HS6ST2: variants seen among roughly 807,000 people sequenced by gnomAD.
The protein encoded by HS6ST2 is heparan-sulfate 6-O-sulfotransferase 2.
In HS6ST2, 17 loss-of-function variants were observed where a neutral mutation model predicts 33.0. The observed-to-expected ratio is 0.52, with a 90% CI of 0.35 to 0.77. HS6ST2 has a LOEUF of 0.77. Among genes scored for constraint, HS6ST2 ranks in the 30% least tolerant of loss-of-function variants. HS6ST2 has a pLI of 0.01. For missense variants in HS6ST2, 519 were observed against 551.7 expected, an observed-to-expected ratio of 0.94 and a Z score of 0.59; for synonymous variants, 248 against 237.1, an observed-to-expected ratio of 1.05 and a Z score of -0.42.
At chrX:132,860,866 C>T (rs1268989422) in intron 2 of HS6ST2, among the ~76,000 whole-genome samples, 2 of 97,186 alleles carry the variant, frequency 2.1e-5, no homozygotes, top group Non-Finnish European at 4.0e-5. Flanking sequence ...CGGCTCACCA[C>T]AACCTCCATT....
intron 2 of HS6ST2, among the ~76,000 whole-genome samples, chrX:132,778,579 T>C (rs1289738267): frequency 2.9e-5 from 3 of 104,147 alleles, no homozygotes; most frequent in African/African-American, 1.1e-4. Flanking sequence ...TTTTTTTTTG[T>C]ATTTTTAGTA....
chrX:132,889,976 A>T (rs910044452), intron 2 of HS6ST2, among the ~76,000 whole-genome samples: 3 of 111,711 alleles, frequency 2.7e-5, no homozygotes, highest in African/African-American at 9.8e-5. Context: ...TAACACAAAG[A>T]TTTTTAATTT....
chrX:132,773,359 C>A (rs1349214891), intron 2 of HS6ST2, among the ~76,000 whole-genome samples: 2 of 108,554 alleles, frequency 1.8e-5, no homozygotes, highest in African/African-American at 6.7e-5. Flanking sequence ...AATTGGAACC[C>A]TCATGCACTA....
chrX:132,748,831 G>T (rs887232029), intron 2 of HS6ST2, among the ~76,000 whole-genome samples: 1 of 111,102 alleles, frequency 9.0e-6, no homozygotes, highest in Non-Finnish European at 1.9e-5. Context: ...GGCTGGTCTT[G>T]AACTCCTGGG....
chrX:132,937,678 T>C (rs2066838936), intron 2 of HS6ST2, among the ~76,000 whole-genome samples: 1 of 111,505 alleles, frequency 9.0e-6, no homozygotes, highest in Admixed American at 9.5e-5. Context: ...TTAGCCCTCA[T>C]CATGTGCAAA....
intron 2 of HS6ST2, among the ~76,000 whole-genome samples, chrX:132,921,405 G>C (rs1444188890): frequency 2.7e-5 from 3 of 112,347 alleles, no homozygotes; most frequent in Non-Finnish European, 5.6e-5. Flanking sequence ...CTGAAAAGCT[G>C]GCTATTGTGC....
At chrX:132,806,355 T>G (rs990344012) in intron 2 of HS6ST2, among the ~76,000 whole-genome samples, 3 of 110,436 alleles carry the variant, frequency 2.7e-5, no homozygotes, top group Admixed American at 9.7e-5. Context: ...TAATTTTTTT[T>G]TTTTCTTTTT....
chrX:132,734,854 A>G (rs750493728), intron 2 of HS6ST2, among the ~76,000 whole-genome samples: 5 of 112,373 alleles, frequency 4.4e-5, no homozygotes, highest in African/African-American at 6.5e-5. Context: ...TACCGTCTTT[A>G]GCTGTGTCAT....
At chrX:132,758,735 A>G (rs150842449) in intron 2 of HS6ST2, among the ~76,000 whole-genome samples, 2,418 of 111,756 alleles carry the variant, frequency 0.022, 48 homozygotes, top group East Asian at 0.13. Flanking sequence ...GCTGACCTAC[A>G]AAAGCCTTCA....
At chrX:132,910,097 C>A (rs1243586442) in intron 2 of HS6ST2, among the ~76,000 whole-genome samples, 1 of 112,006 alleles carries the variant, frequency 8.9e-6, no homozygotes, top group Non-Finnish European at 1.9e-5. Context: ...CATTTGCCAT[C>A]TGGAATCCTG....
intron 2 of HS6ST2, among the ~76,000 whole-genome samples, chrX:132,868,995 A>ATT (rs58391917): frequency 0.49 from 51,178 of 104,096 alleles, 10,375 homozygotes; most frequent in African/African-American, 0.66. Flanking sequence ...TCCAGGAGGT[A>ATT]TTTTTTTTTT....
intron 4 of HS6ST2, among the ~76,000 whole-genome samples, chrX:132,656,489 A>G (rs370397811): frequency 9.0e-6 from 1 of 110,692 alleles, no homozygotes; most frequent in East Asian, 2.8e-4. Context: ...TTGGAGTACA[A>G]GTAGTTTTGT....
chrX:132,752,133 C>G (rs1211866468), intron 2 of HS6ST2, among the ~76,000 whole-genome samples: 1 of 110,591 alleles, frequency 9.0e-6, no homozygotes, highest in East Asian at 2.9e-4. Flanking sequence ...GGCATTCACT[C>G]TGCAGCATTT....
intron 2 of HS6ST2, among the ~76,000 whole-genome samples, chrX:132,728,694 A>G (rs963389572): frequency 8.9e-6 from 1 of 112,288 alleles, no homozygotes; most frequent in Admixed American, 9.4e-5. Flanking sequence ...GCAATAAGGG[A>G]AAGAAGAGCA....
chrX:132,885,433 T>A (rs60790090), intron 2 of HS6ST2, among the ~76,000 whole-genome samples: 15,227 of 110,792 alleles, frequency 0.14, 904 homozygotes, highest in East Asian at 0.33. Context: ...AAGTCATGGG[T>A]TCTATACTGT....
chrX:132,672,150 C>T (rs1161659521), intron 3 of HS6ST2, among the ~76,000 whole-genome samples: 1 of 111,320 alleles, frequency 9.0e-6, no homozygotes, highest in Non-Finnish European at 1.9e-5. Context: ...TGCAGACTGT[C>T]TGGGAACTTC....
chrX:132,888,147 ATT>A (rs969591663), intron 2 of HS6ST2, among the ~76,000 whole-genome samples: 1 of 111,578 alleles, frequency 9.0e-6, no homozygotes, highest in Non-Finnish European at 1.9e-5. Flanking sequence ...CAGTTGGTAG[ATT>A]TTTTTTAAGA....
At chrX:132,826,260 T>C (rs2065518595) in intron 2 of HS6ST2, among the ~76,000 whole-genome samples, 1 of 112,021 alleles carries the variant, frequency 8.9e-6, no homozygotes. Flanking sequence ...GTTTTGCCTA[T>C]GAACAAACGT....
intron 2 of HS6ST2, among the ~76,000 whole-genome samples, chrX:132,762,534 C>T (rs2064811682): frequency 8.9e-6 from 1 of 111,863 alleles, no homozygotes; most frequent in Admixed American, 9.5e-5. Flanking sequence ...CCCTACATAT[C>T]TCACCTAAAA....
Sources: gnomAD v4.1 joint callset for allele counts (sites outside exome capture counted in the v4.1 genomes callset) on GRCh38, gnomAD v4.1.1 for gene constraint, MANE v1.5 for transcripts, NCBI Gene and HGNC (gene_info 2026-07-23, HGNC 2026-07-21) for gene names.